SPINK5: variants seen among roughly 807,000 people sequenced by gnomAD.
The protein encoded by SPINK5 is serine peptidase inhibitor Kazal type 5.
Under a neutral mutation model 151.8 loss-of-function variants are expected in SPINK5, and 125 were observed. The observed-to-expected ratio is 0.82, with a 90% confidence interval of 0.71 to 0.96. SPINK5 has a LOEUF of 0.96. SPINK5 is among the 40% of genes least tolerant of loss of function. The pLI, the probability that SPINK5 is intolerant of heterozygous loss-of-function variation, is 0.00. For missense variants in SPINK5, 1,194 were observed against 1,291.9 expected, an observed-to-expected ratio of 0.92 and a Z score of 1.16; for synonymous variants, 374 against 395.3, an observed-to-expected ratio of 0.95 and a Z score of 0.64.
At chr5:148,134,395 A>C (rs901478423) in intron 32 of SPINK5, among the ~76,000 whole-genome samples, 5 of 152,194 alleles carry the variant, frequency 3.3e-5, no homozygotes, top group African/African-American at 1.2e-4. Context: ...GGCTATTTGA[A>C]TAGTCATCCT....
At chr5:148,097,051 TCTTC>T (rs1292718944) in intron 10 of SPINK5, among the ~76,000 whole-genome samples, 1 of 151,708 alleles carries the variant, frequency 6.6e-6, no homozygotes, top group Admixed American at 6.6e-5. Context: ...TCCTTCCCTT[TCTTC>T]CTTTCCTTTC....
At chr5:148,118,931 T>C in intron 23 of SPINK5, 55 bp from the exon 24 acceptor site, 1 of 1,567,458 alleles carries the variant, frequency 6.4e-7, no homozygotes, top group Non-Finnish European at 8.8e-7. Flanking sequence ...ACTTAGTGCA[T>C]AATCCAGGGT....
At chr5:148,089,434 A>G in intron 6 of SPINK5, 60 bp from the exon 7 acceptor site, 1 of 1,609,994 alleles carries the variant, frequency 6.2e-7, no homozygotes, top group South Asian at 1.1e-5. Context: ...AAATTTCTGA[A>G]AACAGTGTTG....
intron 26 of SPINK5, among the ~76,000 whole-genome samples, chr5:148,122,866 A>AT (rs111936279): frequency 0.036 from 4,628 of 127,748 alleles, 288 homozygotes; most frequent in African/African-American, 0.13. Flanking sequence ...TCGCACAATA[A>AT]TTTTTTTTTT....
intron 26 of SPINK5, 148 bp from the exon 27 acceptor site, chr5:148,123,685 A>C (rs1754351272): frequency 2.8e-6 from 3 of 1,085,202 alleles, no homozygotes; most frequent in Non-Finnish European, 4.1e-6. Context: ...AGATTGAATA[A>C]AGTGCCTTTA....
intron 24 of SPINK5, among the ~76,000 whole-genome samples, chr5:148,119,393 T>C (rs1325668391): frequency 6.6e-6 from 1 of 152,224 alleles, no homozygotes; most frequent in East Asian, 1.9e-4. Context: ...ATTTTTGTTT[T>C]TGCATTATTT....
In SPINK5 at chr5:148,069,981, C is replaced by T. The variant is rs1011916829; in HGVS notation, c.82-342C>T. On this transcript the variant is annotated intron_variant, in intron 2 of 32. Coordinates refer to ENST00000256084, the MANE Select transcript of SPINK5 (RefSeq NM_006846.4). ...ACACCTTGCCTCAGTCCTTCAGCAA[C>T]ATTTTCATATTCCTTTCACAGCAAT... is the stretch of plus-strand genomic sequence containing the variant. 3.9e-5 allele frequency among the ~76,000 whole-genome samples: 6 copies of T among 152,174 alleles called. No individual in the cohort carries two copies. In the East Asian group the frequency reaches 1.2e-3, roughly 30 times the overall value.
intron 28 of SPINK5, chr5:148,125,046 A>C (rs116512900): frequency 0.022 from 14,681 of 655,880 alleles, 250 homozygotes; most frequent in South Asian, 0.046. Context: ...ATTCTCTGAG[A>C]GTGTGTGTCT....
chr5:148,123,393 T>TAG (rs1754326242), intron 26 of SPINK5, among the ~76,000 whole-genome samples: 1 of 116,246 alleles, frequency 8.6e-6, no homozygotes, highest in Non-Finnish European at 1.7e-5. Flanking sequence ...ATTATATATA[T>TAG]ATATAGATAG....
intron 21 of SPINK5, among the ~76,000 whole-genome samples, chr5:148,115,488 G>A (rs1754061673): frequency 6.6e-6 from 1 of 152,146 alleles, no homozygotes; most frequent in Non-Finnish European, 1.5e-5. Context: ...TACTCATGTA[G>A]AGGGAGGAGC....
At chr5:148,113,401 T>C (rs950774526) in intron 20 of SPINK5, among the ~76,000 whole-genome samples, 4 of 152,182 alleles carry the variant, frequency 2.6e-5, no homozygotes, top group Admixed American at 6.5e-5. Flanking sequence ...TCTGGAACAA[T>C]AGAATTCAAT....
intron 21 of SPINK5, among the ~76,000 whole-genome samples, chr5:148,114,870 T>C (rs1456490781): frequency 2.0e-5 from 3 of 152,176 alleles, no homozygotes; most frequent in Non-Finnish European, 4.4e-5. Flanking sequence ...AAATAACACA[T>C]TTTCAGAAAA....
At chr5:148,064,152 G>A in intron 1 of SPINK5, 53 bp downstream of exon 1, 1 of 1,608,248 alleles carries the variant, frequency 6.2e-7, no homozygotes, top group Non-Finnish European at 8.5e-7. Context: ...CAAAGCCCTG[G>A]GGAAGGGACT....
At chr5:148,127,713 C>T (rs538384449) in intron 30 of SPINK5, among the ~76,000 whole-genome samples, 64 of 152,076 alleles carry the variant, frequency 4.2e-4, no homozygotes, top group African/African-American at 1.5e-3. Flanking sequence ...AAAAAATTAG[C>T]TGGGCATGGT....
At chr5:148,127,215 A>G (rs959494782) in intron 30 of SPINK5, 136 bp downstream of exon 30, 2 of 691,296 alleles carry the variant, frequency 2.9e-6, no homozygotes, top group African/African-American at 3.6e-5. Flanking sequence ...TTTGAGGACT[A>G]TATGCAGTTT....
At chr5:148,126,212 A>G (rs1754426705) in intron 29 of SPINK5, among the ~76,000 whole-genome samples, 1 of 152,224 alleles carries the variant, frequency 6.6e-6, no homozygotes, top group Non-Finnish European at 1.5e-5. Flanking sequence ...AAAATATATT[A>G]TATCAGAATC....
In SPINK5 at chr5:148,123,521, G is replaced by GTGTGTGTATATATATATA. The variant is rs1328976077; in HGVS notation, c.2539-311_2539-310insGTGTGTATATATATATAT. Among the ~76,000 whole-genome samples the GTGTGTGTATATATATATA allele has an allele frequency of 1.2e-3, 30 of 25,014 alleles. 1 individual carries two copies. The highest frequency in any genetic ancestry group is 2.4e-3 in the African/African-American group (30 of 12,582). The allele number at this position is 25,014 out of a possible 152,430, so 16.4% of individuals were successfully genotyped here. On this transcript the variant is annotated intron_variant, in intron 26 of 32. Transcript: ENST00000256084. ...TGGAGTGCAGTGGTGCAATATATGT[G>GTGTGTGTATATATATATA]TATATATATATATATATATATATAT...
chr5:148,089,958 G>A (rs769867910), intron 7 of SPINK5, among the ~76,000 whole-genome samples: 3 of 151,738 alleles, frequency 2.0e-5, no homozygotes, highest in South Asian at 2.1e-4. Context: ...TAGGTCAGTC[G>A]TCTGACATCC....
At chr5:148,103,080 A>C (rs187689881) in intron 15 of SPINK5, among the ~76,000 whole-genome samples, 2 of 152,276 alleles carry the variant, frequency 1.3e-5, no homozygotes, top group East Asian at 3.9e-4. Context: ...AAAGCAATAT[A>C]ATCCAGCATA....
Sources: gnomAD v4.1 joint callset for allele counts (sites outside exome capture counted in the v4.1 genomes callset) on GRCh38, gnomAD v4.1.1 for gene constraint, MANE v1.5 for transcripts, NCBI Gene and HGNC (gene_info 2026-07-23, HGNC 2026-07-21) for gene names.